Variants in MORN2 observed in about 807,000 individuals in gnomAD.
MORN2 encodes the protein MORN repeat containing 2.
A neutral mutation model predicts 13.4 loss-of-function variants in MORN2; 15 were observed. The ratio of observed to expected loss-of-function variants is 1.12; its 90% CI spans 0.75 to 1.72. The LOEUF (loss-of-function observed/expected upper bound fraction) is 1.72. MORN2 is among the 40% of genes most tolerant of loss of function. The pLI is 0.00. For synonymous variants in MORN2, 46 were observed against 43.6 expected (o/e 1.06, Z -0.22); for missense variants, 168 against 134.6 (o/e 1.25, Z -1.23).
At chr2:38,877,288 A>T (rs3112173) in intron 1 of MORN2, among the ~76,000 whole-genome samples, 91,152 of 150,272 alleles carry the variant, frequency 0.61, 28,465 homozygotes, top group East Asian at 0.81. Context: ...ATAAATAAAT[A>T]AATTAAATTA....
intron 1 of MORN2, among the ~76,000 whole-genome samples, chr2:38,878,255 G>A (rs2124966518): frequency 6.6e-6 from 1 of 152,226 alleles, no homozygotes; most frequent in East Asian, 1.9e-4. Flanking sequence ...TTTATTGTAG[G>A]TAATCTGGTT....
At chr2:38,880,298 T>A (rs1665746185) in intron 2 of MORN2, 69 bp downstream of exon 2, 2 of 399,060 alleles carry the variant, frequency 5.0e-6, no homozygotes. Flanking sequence ...AAACTGAGAC[T>A]GTTAAATTTT....
rs1487443929 is a variant in MORN2 at position 38,876,062 on chromosome 2, C to G, written c.10C>G (p.Gln4Glu). The change falls in exon 1 of 5, where the codon CAG becomes GAG. Residue 4 changes from glutamine to glutamate, a missense_variant. By Grantham distance (29) the Gln-to-Glu change is conservative. Transcript: ENST00000644631. Reference sequence around the variant, plus strand: ...TCTCCCGGCCGCAGAGCTGGCCGCCCAGGGGGAGTCGCAGAGTTTGGAAGA... The same window carrying G: ...TCTCCCGGCCGCAGAGCTGGCCGCCGAGGGGGAGTCGCAGAGTTTGGAAGA... 1 of 398,770 alleles carries G rather than the reference C, an allele frequency of 2.5e-6. No individual in the cohort carries two copies. 24.7% of individuals were successfully genotyped at this position (398,770 alleles called of 1,614,324 possible). A position where few individuals can be genotyped will look rare whatever the true frequency, so the allele number is the denominator to read the frequency against.
In MORN2 at chr2:38,880,175, A is replaced by C. The variant is rs570313139; in HGVS notation, c.59-4A>C. ...TGTCACTGTTTTTAAATCTTTTAAA[A>C]CAGCTTCAGAAGTGTATAAGATCAG... On this transcript the variant is annotated splice_region_variant and splice_polypyrimidine_tract_variant and intron_variant, in intron 1 of 4. Transcript: ENST00000644631. The C allele has an allele frequency of 7.5e-6, 3 of 398,938 alleles. No homozygotes were observed. The South Asian group carries it at 3.8e-4, about 51-fold the overall frequency. 24.7% of individuals were successfully genotyped at this position (398,938 alleles called of 1,614,324 possible).
rs567301391 is a variant in MORN2, at chr2:38,882,355, AT to A, written c.354-57del. On this transcript the variant is annotated intron_variant, in intron 4 of 4. Transcript: ENST00000644631. ...TATATATTATGCTAGAAAATCTTATATCTGGACTGTAAATTATTCATCTTTG... is the reference window on the plus strand; with the variant it reads ...TATATATTATGCTAGAAAATCTTATACTGGACTGTAAATTATTCATCTTTG... 2.2e-4 allele frequency: 244 copies of A among 1,118,390 alleles called. 1 individual carries two copies. In the African/African-American group the frequency reaches 3.2e-3, roughly 14 times the overall value. 69.3% of individuals were successfully genotyped at this position (1,118,390 alleles called of 1,614,324 possible). A position where few individuals can be genotyped will look rare whatever the true frequency, so the allele number is the denominator to read the frequency against.
At chr2:38,881,680 T>A (rs1665781311) in intron 4 of MORN2, 102 bp downstream of exon 4, 2 of 952,242 alleles carry the variant, frequency 2.1e-6, no homozygotes, top group East Asian at 6.3e-5. Flanking sequence ...AGACAGAGTC[T>A]CCCTCTGTCA....
At chr2:38,880,148 T>C in intron 1 of MORN2, 31 bp from the exon 2 acceptor site, 1 of 398,646 alleles carries the variant, frequency 2.5e-6, no homozygotes, top group East Asian at 3.6e-5. Flanking sequence ...AAAGTAAACT[T>C]ATGTCACTGT....
intron 3 of MORN2, 74 bp downstream of exon 3, chr2:38,880,780 T>G: frequency 1.3e-6 from 2 of 1,510,438 alleles, no homozygotes; most frequent in Non-Finnish European, 1.8e-6. Flanking sequence ...CATTTCACCA[T>G]TAATCAAAAA....
In MORN2 at chr2:38,882,638, C is replaced by A; in HGVS notation, c.*123C>A. The A allele has an allele frequency of 3.5e-6, 2 of 567,584 alleles. No individual in the cohort carries two copies. Among genetic ancestry groups the A allele is most frequent in the Non-Finnish European group, 6.2e-6 (2 of 323,810 alleles). The allele number at this position is 567,584 out of a possible 1,614,324, so 35.2% of individuals were successfully genotyped here. A position where few individuals can be genotyped will look rare whatever the true frequency, so the allele number is the denominator to read the frequency against. Reference sequence around the variant, plus strand: ...CCTATAAGTTTGCCAATAAAACCATCACCTGCTTACACCTTTTTGAACTTT... The same window carrying A: ...CCTATAAGTTTGCCAATAAAACCATAACCTGCTTACACCTTTTTGAACTTT... On this transcript the variant is annotated 3_prime_UTR_variant, in exon 5 of 5. Transcript: ENST00000644631.
intron 2 of MORN2, 78 bp from the exon 3 acceptor site, chr2:38,880,522 A>T (rs1479731534): frequency 1.1e-5 from 9 of 829,364 alleles, no homozygotes; most frequent in Non-Finnish European, 1.6e-5. Context: ...AGCCAAAGAA[A>T]CCCATGAGGT....
chr2:38,881,607 C>T, intron 4 of MORN2, 29 bp downstream of exon 4: 1 of 1,428,040 alleles, frequency 7.0e-7, no homozygotes, highest in Admixed American at 2.9e-5. Context: ...AAAATCACTG[C>T]ATTTCTAAAA....
At chr2:38,878,822 T>A (rs1558416358) in intron 1 of MORN2, among the ~76,000 whole-genome samples, 3 of 152,236 alleles carry the variant, frequency 2.0e-5, no homozygotes, top group Admixed American at 6.5e-5. Flanking sequence ...GTTTCCTCAG[T>A]GATGAGCCTC....
At position 38,882,567 on chromosome 2, in the gene MORN2, A is replaced by G; in HGVS notation, c.*52A>G. ...GTAGTAATTGAAGCTTTTAGTTGTA[A>G]GGAAAGCAACTTAATCTGTTATTTG... On this transcript the variant is annotated 3_prime_UTR_variant, in exon 5 of 5. Coordinates refer to ENST00000644631, the MANE Select transcript of MORN2 (RefSeq NM_001145450.3). The G allele has an allele frequency of 1.5e-6, 2 of 1,343,884 alleles. No homozygotes were observed. Among genetic ancestry groups the G allele is most frequent in the Admixed American group, 2.0e-5 (1 of 49,666 alleles). The allele number at this position is 1,343,884 out of a possible 1,614,324, so 83.2% of individuals were successfully genotyped here. A position where few individuals can be genotyped will look rare whatever the true frequency, so the allele number is the denominator to read the frequency against.
chr2:38,879,047 G>T (rs777761700), intron 1 of MORN2, among the ~76,000 whole-genome samples: 1 of 152,136 alleles, frequency 6.6e-6, no homozygotes, highest in Non-Finnish European at 1.5e-5. Flanking sequence ...GGGATCTGAG[G>T]CCCAGAGTCC....
At position 38,879,218 on chromosome 2, in the gene MORN2, A is replaced by G. The variant is rs1211591921; in HGVS notation, c.59-961A>G. The stretch of plus-strand genomic sequence containing the variant: ...TCACTCCACCTTACCTCTGTGGGAC[A>G]ATCAGTAAATCATATGGGCTACCAA... On this transcript the variant is annotated intron_variant, in intron 1 of 4. Coordinates refer to ENST00000644631, the MANE Select transcript of MORN2 (RefSeq NM_001145450.3). Among the ~76,000 whole-genome samples, 3 of 152,194 alleles carry G rather than the reference A, an allele frequency of 2.0e-5. No individual in the cohort carries two copies. In the East Asian group the frequency reaches 5.8e-4, roughly 29 times the overall value.
At chr2:38,877,460 G>A (rs954556697) in intron 1 of MORN2, among the ~76,000 whole-genome samples, 13 of 151,940 alleles carry the variant, frequency 8.6e-5, no homozygotes, top group Non-Finnish European at 7.4e-5. Flanking sequence ...CCAAATCTTA[G>A]AAATTATGGG....
At chr2:38,881,632 A>G (rs3099948) in intron 4 of MORN2, 54 bp downstream of exon 4, 390,568 of 1,298,602 alleles carry the variant, frequency 0.3, 62,362 homozygotes, top group Non-Finnish European at 0.32. Context: ...ATTTTCTGGT[A>G]TGTTTGCTTA....
At chr2:38,877,689 C>A (rs2124965978) in intron 1 of MORN2, among the ~76,000 whole-genome samples, 1 of 152,208 alleles carries the variant, frequency 6.6e-6, no homozygotes, top group East Asian at 1.9e-4. Flanking sequence ...CTATGTTGCC[C>A]AGGCTGGTCT....
chr2:38,880,892 G>A (rs546308312), intron 3 of MORN2, among the ~76,000 whole-genome samples, 186 bp downstream of exon 3: 7 of 152,162 alleles, frequency 4.6e-5, no homozygotes, highest in South Asian at 4.1e-4. Context: ...GCTAATCATC[G>A]TTACTTTCTT....
Sources: allele counts gnomAD v4.1 joint callset (sites outside exome capture counted in the v4.1 genomes callset), GRCh38; gene constraint gnomAD v4.1.1; transcripts MANE v1.5; gene names NCBI Gene and HGNC (gene_info 2026-07-23, HGNC 2026-07-21).